Variants in DNAH17 observed in about 807,000 individuals in gnomAD.
DNAH17 encodes dynein axonemal heavy chain 17.
DNAH17 carries 376 observed loss-of-function variants against 485.6 expected under a neutral mutation model. The observed-to-expected ratio is 0.77, with a 90% confidence interval of 0.71 to 0.84. The LOEUF is 0.84. Ranked by LOEUF, DNAH17 falls within the 40% of genes least tolerant of loss-of-function variation. The pLI, the probability that DNAH17 is intolerant of heterozygous loss-of-function variation, is 0.00. For synonymous variants in DNAH17, 3,031 were observed against 2,405.9 expected (o/e 1.26, Z -7.60); for missense variants, 6,370 against 5,839.3 (o/e 1.09, Z -2.96).
At chr17:78,453,659 G>A (rs539057128) in intron 64 of DNAH17, among the ~76,000 whole-genome samples, 194 bp from the exon 65 acceptor site, 5 of 152,338 alleles carry the variant, frequency 3.3e-5, no homozygotes, top group South Asian at 2.1e-4. Flanking sequence ...AACTGCCCCC[G>A]TGCTCTTATG....
rs776817180 is a variant in DNAH17, at chr17:78,571,706, C to A, written c.616G>T (p.Asp206Tyr). 1 of 1,613,884 alleles carries A rather than the reference C, an allele frequency of 6.2e-7. No individual in the cohort carries two copies. The highest frequency in any genetic ancestry group is 1.1e-5 in the South Asian group (1 of 91,076). ...TGGGCTGAGTCTTTGCTCAGCACAT[C>A]CCGGATCTGGTGGGACCAGTCGATG... ...TIIDWSHQIR[D>Y]VLSKDSAQAL... The change falls in exon 4 of 81, where the codon GAT becomes TAT. Residue 206 changes from aspartate to tyrosine, a missense_variant. Physicochemically the swap from Asp to Tyr is radical, Grantham distance 160. Transcript: ENST00000389840.
At chr17:78,544,019 G>A (rs756475866) in intron 16 of DNAH17, 22 bp from the exon 17 acceptor site, 22 of 1,613,548 alleles carry the variant, frequency 1.4e-5, no homozygotes, top group East Asian at 2.2e-5. Flanking sequence ...GCACAGGAGT[G>A]AGAAAAGGTG....
chr17:78,563,323 C>T (rs371756340), intron 11 of DNAH17, among the ~76,000 whole-genome samples: 1 of 152,092 alleles, frequency 6.6e-6, no homozygotes, highest in Non-Finnish European at 1.5e-5. Flanking sequence ...TGCCAGCTAC[C>T]GCCTTCCTCC....
intron 72 of DNAH17, among the ~76,000 whole-genome samples, chr17:78,440,668 C>A (rs2087040001): frequency 6.6e-6 from 1 of 152,148 alleles, no homozygotes; most frequent in Admixed American, 6.6e-5. Context: ...TTGTTTCTGC[C>A]TTTTGGCTAT....
intron 26 of DNAH17, among the ~76,000 whole-genome samples, chr17:78,512,178 A>G (rs1339761823): frequency 6.6e-6 from 1 of 152,244 alleles, no homozygotes; most frequent in Non-Finnish European, 1.5e-5. Flanking sequence ...CTGCATAGGT[A>G]CGGATCTCTT....
chr17:78,546,650 A>G (rs918563006), intron 16 of DNAH17, among the ~76,000 whole-genome samples: 2 of 152,226 alleles, frequency 1.3e-5, no homozygotes, highest in African/African-American at 2.4e-5. Flanking sequence ...TCATGCCCGT[A>G]ATCTCAGAAC....
At position 78,462,976 on chromosome 17, in the gene DNAH17, G is replaced by A. The variant is rs561022823; in HGVS notation, c.9042C>T (p.Tyr3014=). The A allele has an allele frequency of 2.0e-5, 33 of 1,614,024 alleles. No homozygotes were observed. The South Asian group carries it at 2.7e-4, about 13-fold the overall frequency. The stretch of plus-strand genomic sequence containing the variant: ...GCTCCAGAAAGGTTTTGGGTGTGGT[G>A]TAGTTGTAGCGCCTCTCAGTAGCCA... ...VYLATERRYN[Y]TTPKTFLEQI... The change falls in exon 57 of 81, where the codon TAC becomes TAT. Residue 3014 remains tyrosine, a synonymous_variant. Coordinates refer to ENST00000389840, the MANE Select transcript of DNAH17 (RefSeq NM_173628.4).
At chr17:78,550,165 G>A (rs1459105645) in intron 16 of DNAH17, among the ~76,000 whole-genome samples, 2 of 152,246 alleles carry the variant, frequency 1.3e-5, no homozygotes, top group Admixed American at 6.5e-5. Context: ...ACTAGCTGGC[G>A]AGACAACGCC....
chr17:78,508,945 G>C (rs528593172), intron 27 of DNAH17, among the ~76,000 whole-genome samples: 1 of 150,542 alleles, frequency 6.6e-6, no homozygotes, highest in African/African-American at 2.4e-5. Flanking sequence ...GGGACTACAG[G>C]TGTGTGTCAT....
chr17:78,472,528 G>A (rs192108787), intron 54 of DNAH17: 140 of 282,270 alleles, frequency 5.0e-4, no homozygotes, highest in African/African-American at 2.9e-3. Context: ...TCTGCTGACA[G>A]GCTTTCTTCA....
chr17:78,558,794 C>A (rs185919457), intron 13 of DNAH17, among the ~76,000 whole-genome samples: 1 of 151,348 alleles, frequency 6.6e-6, no homozygotes, highest in Non-Finnish European at 1.5e-5. Context: ...CCGGTTATGA[C>A]CCGAGATCAA....
At chr17:78,570,511 T>G in intron 6 of DNAH17, 139 bp from the exon 7 acceptor site, 1 of 1,125,332 alleles carries the variant, frequency 8.9e-7, no homozygotes, top group East Asian at 2.7e-5. Flanking sequence ...GGCAACTCCC[T>G]AGGCCCACAC....
chr17:78,569,468 TTCC>T lies in DNAH17; in HGVS notation c.1101_1103del (p.Glu368del). On this transcript the variant is annotated inframe_deletion, in exon 8 of 81. Coordinates refer to ENST00000389840, the MANE Select transcript of DNAH17 (RefSeq NM_173628.4). ...CAGCCAGGGAGATGCCACTCAGGACTTCCTCGATTTCACCTTGCAGGCCCTTCA... is the reference window on the plus strand; with the variant it reads ...CAGCCAGGGAGATGCCACTCAGGACTTCGATTTCACCTTGCAGGCCCTTCA... The T allele has an allele frequency of 1.2e-6, 2 of 1,611,542 alleles. No homozygotes were observed. The highest frequency in any genetic ancestry group is 1.7e-6 in the Non-Finnish European group (2 of 1,178,788).
At chr17:78,435,026 G>A (rs1217456315) in intron 74 of DNAH17, among the ~76,000 whole-genome samples, 1 of 152,180 alleles carries the variant, frequency 6.6e-6, no homozygotes, top group Non-Finnish European at 1.5e-5. Context: ...CCTGGCACAG[G>A]CCCCTCTGGC....
intron 15 of DNAH17, 115 bp from the exon 16 acceptor site, chr17:78,551,753 G>C: frequency 1.1e-6 from 1 of 936,910 alleles, no homozygotes; most frequent in Non-Finnish European, 1.7e-6. Context: ...CACGAGGTCG[G>C]GAGTTCGAGA....
chr17:78,505,604 AC>A (rs2090461183), intron 30 of DNAH17, among the ~76,000 whole-genome samples, 159 bp from the exon 31 acceptor site: 1 of 152,196 alleles, frequency 6.6e-6, no homozygotes, highest in South Asian at 2.1e-4. Context: ...AACAAAAGGA[AC>A]CAGCGAAGAC....
chr17:78,471,422 A>C (rs1047102093), intron 54 of DNAH17, among the ~76,000 whole-genome samples: 7 of 152,244 alleles, frequency 4.6e-5, no homozygotes, highest in African/African-American at 1.7e-4. Flanking sequence ...GAGAGCCAGC[A>C]ATGACCTTGA....
intron 2 of DNAH17, among the ~76,000 whole-genome samples, chr17:78,573,987 T>C (rs1049025341): frequency 1.2e-4 from 18 of 152,120 alleles, no homozygotes; most frequent in Non-Finnish European, 2.1e-4. Flanking sequence ...ACACATAAAA[T>C]GACACTCCAT....
chr17:78,506,778 T>C lies in DNAH17; in HGVS notation c.4745A>G (p.Tyr1582Cys), dbSNP rs1568172532. The change falls in exon 30 of 81, where the codon TAT (tyrosine) becomes TGT (cysteine). Residue 1582 changes from tyrosine to cysteine, a missense_variant. Coordinates refer to ENST00000389840, the MANE Select transcript of DNAH17 (RefSeq NM_173628.4). ...CAGGAGGTCAGCCGAGGAGACAAAA[T>C]AGAACCGGGGGAAAGCCAGTCTTTT... Reference protein sequence around the residue: ...ETKRLAFPRFYFVSSADLLDI... With the variant: ...ETKRLAFPRFCFVSSADLLDI... 5 of 1,613,750 alleles carry C rather than the reference T, an allele frequency of 3.1e-6. No individual in the cohort carries two copies. The highest frequency in any genetic ancestry group is 2.2e-5 in the East Asian group (1 of 44,882).
Sources: allele counts gnomAD v4.1 joint callset (sites outside exome capture counted in the v4.1 genomes callset), GRCh38; gene constraint gnomAD v4.1.1; transcripts MANE v1.5; gene names NCBI Gene and HGNC (gene_info 2026-07-23, HGNC 2026-07-21).